GRIA2: variants seen among roughly 807,000 people sequenced by gnomAD.
GRIA2 encodes glutamate ionotropic receptor AMPA type subunit 2, also known as glutamate receptor 2.
A neutral mutation model predicts 97.3 loss-of-function variants in GRIA2; 14 were observed. That is an observed-to-expected ratio of 0.14 (90% CI 0.10 to 0.23). GRIA2 has a LOEUF of 0.23. Ranked by LOEUF, GRIA2 falls within the 10% of genes least tolerant of loss-of-function variation. The pLI, the probability that GRIA2 is intolerant of heterozygous loss-of-function variation, is 1.00. For synonymous variants in GRIA2, 412 were observed against 387.8 expected (o/e 1.06, Z -0.73); for missense variants, 558 against 1,069.8 (o/e 0.52, Z 6.67).
At chr4:157,357,159 A>G (rs1736420650) in intron 12 of GRIA2, among the ~76,000 whole-genome samples, 2 of 152,166 alleles carry the variant, frequency 1.3e-5, no homozygotes, top group South Asian at 2.1e-4. Context: ...TTTAATAGAA[A>G]GTAAATGCAT....
intron 2 of GRIA2, among the ~76,000 whole-genome samples, chr4:157,278,477 G>A (rs1038789409): frequency 1.3e-5 from 2 of 151,932 alleles, no homozygotes; most frequent in Non-Finnish European, 2.9e-5. Flanking sequence ...TAACTCAAAA[G>A]GGAGCATAGG....
chr4:157,225,960 T>C (rs1005267967), intron 2 of GRIA2, among the ~76,000 whole-genome samples: 3 of 152,030 alleles, frequency 2.0e-5, no homozygotes, highest in African/African-American at 4.8e-5. Context: ...CTATGCTAAT[T>C]GGTAAAGCTT....
chr4:157,223,445 C>T (rs1193703710), intron 2 of GRIA2, among the ~76,000 whole-genome samples: 2 of 152,126 alleles, frequency 1.3e-5, no homozygotes, highest in Admixed American at 1.3e-4. Flanking sequence ...CTTTGAAAAA[C>T]GTCCGTAATA....
chr4:157,345,606 C>T (rs148535938), intron 12 of GRIA2, among the ~76,000 whole-genome samples: 2 of 152,168 alleles, frequency 1.3e-5, no homozygotes, highest in African/African-American at 4.8e-5. Context: ...TATGTTACTA[C>T]AGAAACTTTG....
chr4:157,251,209 T>A (rs1389555063), intron 2 of GRIA2, among the ~76,000 whole-genome samples: 2 of 152,020 alleles, frequency 1.3e-5, no homozygotes, highest in African/African-American at 4.8e-5. Flanking sequence ...GACCAGGAGA[T>A]GGAGAATCAC....
intron 8 of GRIA2, 125 bp from the exon 9 acceptor site, chr4:157,333,884 TA>T: frequency 1.7e-6 from 1 of 582,926 alleles, no homozygotes; most frequent in Non-Finnish European, 3.1e-6. Flanking sequence ...AAGACATTTC[TA>T]TTTAGAACAA....
intron 2 of GRIA2, among the ~76,000 whole-genome samples, chr4:157,244,530 T>C (rs1730644644): frequency 6.6e-6 from 1 of 152,116 alleles, no homozygotes; most frequent in African/African-American, 2.4e-5. Context: ...TTTTCCTTTC[T>C]GTTTGGTTGG....
At chr4:157,306,285 G>T (rs889974524) in intron 3 of GRIA2, among the ~76,000 whole-genome samples, 1 of 152,130 alleles carries the variant, frequency 6.6e-6, no homozygotes, top group African/African-American at 2.4e-5. Flanking sequence ...ACTCTAGTGT[G>T]TGAGGAGAGA....
intron 12 of GRIA2, among the ~76,000 whole-genome samples, chr4:157,352,990 G>A (rs1005216091): frequency 7.9e-5 from 12 of 151,756 alleles, no homozygotes; most frequent in African/African-American, 2.4e-4. Flanking sequence ...AATGGGAGGC[G>A]GAGATTACAG....
intron 2 of GRIA2, 80 bp downstream of exon 2, chr4:157,221,887 G>A (rs576771736): frequency 3.3e-5 from 43 of 1,302,482 alleles, no homozygotes; most frequent in South Asian, 1.4e-4. Context: ...CGTTTCTGGG[G>A]TGGTGTGTGT....
chr4:157,225,793 CA>C (rs1419270793), intron 2 of GRIA2, among the ~76,000 whole-genome samples: 1 of 151,358 alleles, frequency 6.6e-6, no homozygotes, highest in African/African-American at 2.4e-5. Context: ...TTTAATACAG[CA>C]ACTAAAAAAA....
intron 2 of GRIA2, among the ~76,000 whole-genome samples, chr4:157,285,315 C>A (rs1732787596): frequency 6.6e-6 from 1 of 151,344 alleles, no homozygotes; most frequent in Admixed American, 6.6e-5. Context: ...AATTCATTTT[C>A]ACTTATATTG....
intron 2 of GRIA2, among the ~76,000 whole-genome samples, chr4:157,269,320 G>C (rs2126786200): frequency 6.6e-6 from 1 of 152,140 alleles, no homozygotes; most frequent in South Asian, 2.1e-4. Context: ...GGTCTAGGTA[G>C]ATAGAAATTA....
At chr4:157,260,920 C>A (rs1440040351) in intron 2 of GRIA2, among the ~76,000 whole-genome samples, 1 of 151,926 alleles carries the variant, frequency 6.6e-6, no homozygotes, top group African/African-American at 2.4e-5. Context: ...CCTCACTTAC[C>A]ATTTTCTCTA....
rs565275066 is a variant in GRIA2 at position 157,236,857 on chromosome 4, CTTA to C, written c.229+15059_229+15061del. On this transcript the variant is annotated intron_variant, in intron 2 of 15. Coordinates refer to ENST00000264426, the MANE Select transcript of GRIA2 (RefSeq NM_001083619.3). ...GTTGGTCTATTTATGGGTGAGTCTA[CTTA>C]TTATTATTTGATACATACATTAAAG... Among the ~76,000 whole-genome samples, 30 of 152,134 alleles carry C rather than the reference CTTA, an allele frequency of 2.0e-4. No homozygotes were observed. In the East Asian group the frequency reaches 5.6e-3, roughly 28 times the overall value.
chr4:157,289,802 T>G, intron 2 of GRIA2, among the ~76,000 whole-genome samples: 1 of 151,944 alleles, frequency 6.6e-6, no homozygotes, highest in Non-Finnish European at 1.5e-5. Flanking sequence ...GAAAAGAATT[T>G]TAAATAAAAA....
chr4:157,238,179 A>C (rs1362999688), intron 2 of GRIA2, among the ~76,000 whole-genome samples: 1 of 152,150 alleles, frequency 6.6e-6, no homozygotes, highest in African/African-American at 2.4e-5. Flanking sequence ...ATTTGATTTA[A>C]ACTGGAATAC....
chr4:157,288,406 C>A (rs1732944597), intron 2 of GRIA2, among the ~76,000 whole-genome samples: 1 of 151,406 alleles, frequency 6.6e-6, no homozygotes, highest in African/African-American at 2.4e-5. Context: ...TTTTTTTAGG[C>A]CTCGGGTTAC....
intron 2 of GRIA2, among the ~76,000 whole-genome samples, chr4:157,270,522 T>G (rs1579319690): frequency 6.6e-6 from 1 of 152,284 alleles, no homozygotes; most frequent in South Asian, 2.1e-4. Flanking sequence ...AACAGCTCAT[T>G]ATTTTATTCA....
Sources: allele counts gnomAD v4.1 joint callset (sites outside exome capture counted in the v4.1 genomes callset), GRCh38; gene constraint gnomAD v4.1.1; transcripts MANE v1.5; gene names NCBI Gene and HGNC (gene_info 2026-07-23, HGNC 2026-07-21).